FAM184A: variants seen among roughly 807,000 people sequenced by gnomAD.
FAM184A encodes family with sequence similarity 184 member A.
A neutral mutation model predicts 143.8 loss-of-function variants in FAM184A; 99 were observed. The observed-to-expected ratio is 0.69, with a 90% CI of 0.58 to 0.81. The LOEUF is 0.81. FAM184A is among the 40% of genes least tolerant of loss of function. The pLI is 0.00. For synonymous variants in FAM184A, 427 were observed against 446.4 expected (o/e 0.96, Z 0.55); for missense variants, 1,217 against 1,310.5 (o/e 0.93, Z 1.10).
chr6:119,016,367 G>A (rs972068319), intron 5 of FAM184A, among the ~76,000 whole-genome samples: 52 of 152,052 alleles, frequency 3.4e-4, no homozygotes, highest in Non-Finnish European at 5.1e-4. Context: ...TTGGGTCCAC[G>A]CTGCTTTTAT....
intron 2 of FAM184A, 137 bp downstream of exon 2, chr6:119,023,822 T>TA (rs11353751): frequency 0.018 from 7,644 of 414,426 alleles, 3 homozygotes; most frequent in East Asian, 0.034. Flanking sequence ...CAGGAAAAGT[T>TA]AAAAAAAAAA....
intron 1 of FAM184A, among the ~76,000 whole-genome samples, chr6:119,111,292 A>AT (rs1241178489): frequency 5.3e-5 from 8 of 152,334 alleles, no homozygotes; most frequent in African/African-American, 1.9e-4. Flanking sequence ...TTTCACTTAT[A>AT]TGAGATTCTC....
At chr6:118,968,288 T>C (rs1446973737) in intron 14 of FAM184A, among the ~76,000 whole-genome samples, 1 of 152,128 alleles carries the variant, frequency 6.6e-6, no homozygotes, top group Non-Finnish European at 1.5e-5. Context: ...AATAAAAAAA[T>C]CTTATCATGC....
intron 1 of FAM184A, among the ~76,000 whole-genome samples, chr6:119,037,287 G>A: frequency 6.6e-6 from 1 of 152,130 alleles, no homozygotes; most frequent in East Asian, 1.9e-4. Flanking sequence ...TTGACAGCAG[G>A]ACAAAAGGAT....
intron 1 of FAM184A, among the ~76,000 whole-genome samples, chr6:119,040,092 G>C (rs9374774): frequency 6.6e-6 from 1 of 152,094 alleles, no homozygotes; most frequent in Non-Finnish European, 1.5e-5. Context: ...ATATGCCTGC[G>C]TGGGTCTCTT....
intron 1 of FAM184A, among the ~76,000 whole-genome samples, chr6:119,091,473 C>T (rs1031237545): frequency 6.6e-6 from 1 of 152,168 alleles, no homozygotes; most frequent in African/African-American, 2.4e-5. Context: ...ATCAGTTCAG[C>T]AACTTGTGGA....
At chr6:119,042,607 A>G (rs1786380897) in intron 1 of FAM184A, among the ~76,000 whole-genome samples, 1 of 152,334 alleles carries the variant, frequency 6.6e-6, no homozygotes, top group African/African-American at 2.4e-5. Context: ...AAGAGCACAG[A>G]GGATTTTTAG....
intron 1 of FAM184A, among the ~76,000 whole-genome samples, chr6:119,102,814 A>AAAAG: frequency 6.9e-6 from 1 of 145,062 alleles, no homozygotes; most frequent in South Asian, 2.2e-4. Context: ...AAAAGAAAAG[A>AAAAG]AAAAAGAAAA....
chr6:118,985,663 G>A (rs1784169060), intron 9 of FAM184A, among the ~76,000 whole-genome samples: 1 of 152,022 alleles, frequency 6.6e-6, no homozygotes, highest in South Asian at 2.1e-4. Context: ...GTTTATTCAG[G>A]GATTAAATGG....
chr6:118,970,008 A>ATATATTTTTT lies in FAM184A; in HGVS notation c.2916-3057_2916-3056insAAAAAATATA. 3.9e-3 allele frequency among the ~76,000 whole-genome samples: 75 copies of ATATATTTTTT among 19,048 alleles called. 12 individuals are homozygous for ATATATTTTTT. The highest frequency in any genetic ancestry group is 7.0e-3 in the Non-Finnish European group (62 of 8,878). 12.5% of individuals were successfully genotyped at this position (19,048 alleles called of 152,430 possible). A position where few individuals can be genotyped will look rare whatever the true frequency, so the allele number is the denominator to read the frequency against. On this transcript the variant is annotated intron_variant, in intron 14 of 17. Coordinates refer to ENST00000338891, the MANE Select transcript of FAM184A (RefSeq NM_024581.6). Reference sequence around the variant, plus strand: ...ATATATATATAATATATATATATATATTTTTTTTTTTTTGAGATGGAGTTT... The same window carrying ATATATTTTTT: ...ATATATATATAATATATATATATATATATATTTTTTTTTTTTTTTTTTTGAGATGGAGTTT...
chr6:119,130,021 C>T (rs1789491704), intron 1 of FAM184A, among the ~76,000 whole-genome samples: 1 of 150,242 alleles, frequency 6.7e-6, no homozygotes, highest in African/African-American at 2.4e-5. Flanking sequence ...GATGTACAAA[C>T]AGAGGCTCGC....
At chr6:118,976,752 C>G (rs778066361) in intron 11 of FAM184A, among the ~76,000 whole-genome samples, 2 of 151,766 alleles carry the variant, frequency 1.3e-5, no homozygotes, top group Non-Finnish European at 2.9e-5. Context: ...AAGAATTCTT[C>G]AAAAATATCC....
Position 119,120,816 on chromosome 6 carries a change from C to A in FAM184A, c.-202+28262G>T, listed in dbSNP as rs1582633709. ...AAAGTGATGGTTTTTCTCTTTCTTT[C>A]TTTCTTTCTTCCTTTCTTTCTTTCT... On this transcript the variant is annotated intron_variant, in intron 1 of 16. Coordinates refer to the FAM184A transcript ENST00000352896. Among the ~76,000 whole-genome samples, 3 of 137,738 alleles carry A rather than the reference C, an allele frequency of 2.2e-5. No homozygotes were observed. The South Asian group carries it at 7.1e-4, about 33-fold the overall frequency. The allele number at this position is 137,738 out of a possible 152,430, so 90.4% of individuals were successfully genotyped here. A position where few individuals can be genotyped will look rare whatever the true frequency, so the allele number is the denominator to read the frequency against.
intron 15 of FAM184A, among the ~76,000 whole-genome samples, chr6:118,965,752 T>A (rs1051520482): frequency 1.3e-5 from 2 of 152,240 alleles, no homozygotes; most frequent in Admixed American, 1.3e-4. Context: ...CTGTGCTGCT[T>A]TCGAAAGTTG....
chr6:119,053,493 ATGT>A (rs2114751683), intron 1 of FAM184A, among the ~76,000 whole-genome samples: 1 of 152,270 alleles, frequency 6.6e-6, no homozygotes, highest in African/African-American at 2.4e-5. Context: ...AAATTTCTCT[ATGT>A]AACAGCCTAA....
rs1173858855 is a variant in FAM184A at position 119,016,753 on chromosome 6, C to A, written c.1524G>T (p.Leu508=). 1 of 1,612,254 alleles carries A rather than the reference C, an allele frequency of 6.2e-7. No individual in the cohort carries two copies. Among genetic ancestry groups the A allele is most frequent in the East Asian group, 2.2e-5 (1 of 44,866 alleles). The stretch of plus-strand genomic sequence containing the variant: ...AAATTAAATTTTTACTCACCATTTG[C>A]AGTTTTTTCTTATCCCTAATTGCAT... The part of the protein sequence containing the change: ...HSNAIRDKKK[L]QMDLEEQHNK... The change falls in exon 5 of 18, where the codon CTG becomes CTT. Residue 508 remains leucine, a synonymous_variant. Transcript: ENST00000338891.
chr6:119,088,356 A>G (rs1369743406), intron 1 of FAM184A, among the ~76,000 whole-genome samples: 4 of 152,244 alleles, frequency 2.6e-5, no homozygotes, highest in Non-Finnish European at 4.4e-5. Context: ...TGTTCTATCA[A>G]TCAATAAACA....
intron 1 of FAM184A, among the ~76,000 whole-genome samples, chr6:119,134,590 G>T (rs1400485344): frequency 6.7e-6 from 1 of 149,812 alleles, no homozygotes; most frequent in African/African-American, 2.5e-5. Context: ...GGAGGTCGAG[G>T]CTGTAGTGAG....
chr6:119,129,233 C>T (rs1226147505), intron 1 of FAM184A, among the ~76,000 whole-genome samples: 1 of 152,206 alleles, frequency 6.6e-6, no homozygotes, highest in Non-Finnish European at 1.5e-5. Flanking sequence ...CAAGCTGTAA[C>T]CCAACCACTT....
Sources: gnomAD v4.1 joint callset for allele counts (sites outside exome capture counted in the v4.1 genomes callset) on GRCh38, gnomAD v4.1.1 for gene constraint, MANE v1.5 for transcripts, NCBI Gene and HGNC (gene_info 2026-07-23, HGNC 2026-07-21) for gene names.